NUCB2: variants seen among roughly 807,000 people sequenced by gnomAD.
NUCB2 encodes nucleobindin-2.
Under a neutral mutation model 57.9 loss-of-function variants are expected in NUCB2, and 48 were observed. That is an observed-to-expected ratio of 0.83 (90% CI 0.66 to 1.05). NUCB2 has a LOEUF of 1.05. Among genes scored for constraint, NUCB2 ranks in the 50% least tolerant of loss-of-function variants. The pLI is 0.00. For synonymous variants in NUCB2, 139 were observed against 152.1 expected (o/e 0.91, Z 0.64); for missense variants, 442 against 476.2 (o/e 0.93, Z 0.67).
rs1591597045 is a variant in NUCB2 at position 17,331,652 on chromosome 11, C to T, written c.*233C>T. On this transcript the variant is annotated 3_prime_UTR_variant, in exon 14 of 14. Transcript: ENST00000529010. ...TGTCTGCTCTCTGCTCTCACATTCACACGGCTCTTTTATTTATTTTTTTGT... is the reference window on the plus strand; with the variant it reads ...TGTCTGCTCTCTGCTCTCACATTCATACGGCTCTTTTATTTATTTTTTTGT... 3 of 378,172 alleles carry T rather than the reference C, an allele frequency of 7.9e-6. No individual in the cohort carries two copies. The highest frequency in any genetic ancestry group is 9.5e-6 in the Non-Finnish European group (2 of 210,434). The allele number at this position is 378,172 out of a possible 1,614,324, so 23.4% of individuals were successfully genotyped here.
At chr11:17,325,209 A>G (rs561623630) in intron 11 of NUCB2, among the ~76,000 whole-genome samples, 1 of 152,332 alleles carries the variant, frequency 6.6e-6, no homozygotes, top group South Asian at 2.1e-4. Flanking sequence ...CATTTGATCT[A>G]TAGTGTAGAT....
At chr11:17,310,237 T>A (rs1948279897) in intron 6 of NUCB2, among the ~76,000 whole-genome samples, 1 of 88,594 alleles carries the variant, frequency 1.1e-5, no homozygotes, top group Non-Finnish European at 3.1e-5. Flanking sequence ...TTTCTTCTTC[T>A]TTTTTTTTTT....
intron 11 of NUCB2, among the ~76,000 whole-genome samples, chr11:17,326,437 C>G (rs1591555881): frequency 1.3e-5 from 2 of 151,374 alleles, no homozygotes; most frequent in South Asian, 2.1e-4. Flanking sequence ...CCTGCCTCCC[C>G]CTCCCGAGTA....
At chr11:17,316,038 C>T (rs550080581) in intron 11 of NUCB2, among the ~76,000 whole-genome samples, 170 of 151,922 alleles carry the variant, frequency 1.1e-3, no homozygotes, top group African/African-American at 3.9e-3. Context: ...AGTAGCGCGA[C>T]CTTGGCTCAC....
Position 17,309,674 on chromosome 11 carries a change from C to T in NUCB2, c.482C>T (p.Ala161Val), listed in dbSNP as rs200613351. ...ACAGATTTAGATATGCTAATCAAAG[C>T]GGTGAGAATAATTCCAAAAAGTTTT... ...ESTDLDMLIKAATSDLEHYDK... is the reference protein window; with the variant it reads ...ESTDLDMLIKVATSDLEHYDK... Residue 161 changes from alanine (A) to valine (V), a missense_variant and splice_region_variant, in exon 6 of 14, where the codon GCG becomes GTG. Ala to Val is a moderately conservative substitution (Grantham distance 64). Coordinates refer to ENST00000529010, the MANE Select transcript of NUCB2 (RefSeq NM_005013.4). 1.0e-5 allele frequency: 16 copies of T among 1,577,998 alleles called. No individual in the cohort carries two copies. The highest frequency in any genetic ancestry group is 2.3e-5 in the South Asian group (2 of 85,260).
chr11:17,300,836 T>A (rs910784857), intron 4 of NUCB2, among the ~76,000 whole-genome samples: 16 of 152,184 alleles, frequency 1.1e-4, no homozygotes, highest in Non-Finnish European at 1.9e-4. Context: ...TCTGAGGAAC[T>A]GCCAAACTGT....
Position 17,330,137 on chromosome 11 carries a change from A to C in NUCB2, c.1013A>C (p.Gln338Pro). ...LEPDSWETLD[Q>P]QQFFTEEELK... ...TTTTTTTTCTTTTAGACATTAGATC[A>C]GCAACAGTTCTTCACAGAGGAAGAA... Residue 338 changes from glutamine (Q) to proline (P), a missense_variant, in exon 12 of 14, where the codon CAG becomes CCG. By Grantham distance (76) the Gln-to-Pro change is moderately conservative (BLOSUM62 -1). Transcript: ENST00000529010. The surrounding 1 kb of genome is among the most constrained non-coding windows in gnomAD (Gnocchi z 4.3). 6.7e-7 allele frequency: 1 copy of C among 1,498,346 alleles called. No individual in the cohort carries two copies. The allele number at this position is 1,498,346 out of a possible 1,614,324, so 92.8% of individuals were successfully genotyped here.
At chr11:17,340,363 A>G (rs1302846767) in intron 2 of NUCB2, among the ~76,000 whole-genome samples, 1 of 151,996 alleles carries the variant, frequency 6.6e-6, no homozygotes, top group Admixed American at 6.5e-5. Context: ...ATTAGATCCC[A>G]TTTGTCAATT....
intron 2 of NUCB2, among the ~76,000 whole-genome samples, chr11:17,290,663 A>G (rs1944767255): frequency 6.6e-6 from 1 of 152,170 alleles, no homozygotes; most frequent in South Asian, 2.1e-4. Context: ...TAATATTTGA[A>G]TAAAAATTAA....
chr11:17,290,702 C>A (rs963726851), intron 2 of NUCB2, among the ~76,000 whole-genome samples: 8 of 151,870 alleles, frequency 5.3e-5, no homozygotes, highest in Non-Finnish European at 1.0e-4. Context: ...GAGACAAAAT[C>A]ATGATATAAG....
At position 17,309,613 on chromosome 11, in the gene NUCB2, C is replaced by CA. The variant is rs1948187345; in HGVS notation, c.422dup (p.His141GlnfsTer8). On this transcript the variant is annotated frameshift_variant, in exon 6 of 14. Coordinates refer to ENST00000529010, the MANE Select transcript of NUCB2 (RefSeq NM_005013.4). LOFTEE classifies it high-confidence loss of function. ...CCAAGCTCTTCTAAAACAATTTGAT[C>CA]ACCTAAACCACCTGAATCCTGACAA... 1.2e-6 allele frequency: 2 copies of CA among 1,605,138 alleles called. No individual in the cohort carries two copies. The highest frequency in any genetic ancestry group is 1.7e-6 in the Non-Finnish European group (2 of 1,176,918).
intron 6 of NUCB2, among the ~76,000 whole-genome samples, chr11:17,310,561 C>T (rs1298449613): frequency 1.3e-5 from 2 of 152,040 alleles, no homozygotes; most frequent in African/African-American, 2.4e-5. Context: ...GTGGGATAAT[C>T]GCTTGAACCA....
intron 11 of NUCB2, among the ~76,000 whole-genome samples, chr11:17,321,898 G>A (rs1344475207): frequency 6.6e-6 from 1 of 152,052 alleles, no homozygotes; most frequent in Admixed American, 6.6e-5. Flanking sequence ...GTCTTCTTTC[G>A]AGAAATGTCT....
At chr11:17,339,271 A>G (rs1330765733) in intron 2 of NUCB2, among the ~76,000 whole-genome samples, 1 of 152,174 alleles carries the variant, frequency 6.6e-6, no homozygotes, top group East Asian at 1.9e-4. Flanking sequence ...TACAGGTGTG[A>G]GCCACTGTGC....
intron 13 of NUCB2, 127 bp from the exon 14 acceptor site, chr11:17,331,285 T>C: frequency 1.9e-6 from 1 of 523,686 alleles, no homozygotes; most frequent in Non-Finnish European, 3.3e-6. Flanking sequence ...AGAGAATATG[T>C]TTTTTAAAAT....
chr11:17,287,656 G>C (rs926541603), intron 2 of NUCB2, among the ~76,000 whole-genome samples: 1 of 125,240 alleles, frequency 8.0e-6, no homozygotes, highest in African/African-American at 3.3e-5. Context: ...CTGGGCAACA[G>C]AGCAAAACTC....
intron 2 of NUCB2, among the ~76,000 whole-genome samples, chr11:17,289,061 A>T (rs543563379): frequency 8.7e-5 from 13 of 149,736 alleles, no homozygotes; most frequent in Non-Finnish European, 1.9e-4. Context: ...GGTTCAGGAG[A>T]TTCTCCTGCC....
intron 2 of NUCB2, among the ~76,000 whole-genome samples, chr11:17,285,943 A>ACG (rs1477206738): frequency 1.3e-5 from 2 of 150,948 alleles, no homozygotes; most frequent in African/African-American, 4.9e-5. Context: ...GTACACACAC[A>ACG]CACACACACA....
At chr11:17,301,633 A>G (rs1324147221) in intron 4 of NUCB2, 111 bp from the exon 5 acceptor site, 3 of 646,786 alleles carry the variant, frequency 4.6e-6, no homozygotes, top group African/African-American at 3.7e-5. Context: ...ATTTATCTAA[A>G]TTAGTCAAAA....
Sources: gnomAD v4.1 joint callset for allele counts (sites outside exome capture counted in the v4.1 genomes callset) on GRCh38, gnomAD v4.1.1 for gene constraint, Gnocchi (gnomAD v3.1) non-coding constraint, MANE v1.5 for transcripts, NCBI Gene and HGNC (gene_info 2026-07-23, HGNC 2026-07-21) for gene names.